Variants in MTMR7 observed in about 807,000 individuals in gnomAD.
The protein encoded by MTMR7 is myotubularin related protein 7, also known as phosphatidylinositol-3-phosphate phosphatase MTMR7.
MTMR7 carries 76 observed loss-of-function variants against 81.2 expected under a neutral mutation model. That is an observed-to-expected ratio of 0.94 (90% CI 0.78 to 1.13). The LOEUF (loss-of-function observed/expected upper bound fraction) is 1.13, where lower values mean the gene tolerates loss of function less well. Ranked by LOEUF, MTMR7 falls within the 50% of genes most tolerant of loss-of-function variation. The pLI, the probability that MTMR7 is intolerant of heterozygous loss-of-function variation, is 0.00. For synonymous variants in MTMR7, 372 were observed against 289.8 expected, an observed-to-expected ratio of 1.28 and a Z score of -2.88; for missense variants, 1,044 against 820.0, an observed-to-expected ratio of 1.27 and a Z score of -3.34.
intron 3 of MTMR7, among the ~76,000 whole-genome samples, chr8:17,363,874 G>A (rs1453300042): frequency 6.8e-6 from 1 of 146,134 alleles, no homozygotes; most frequent in Non-Finnish European, 1.5e-5. Flanking sequence ...ATATTTAGCA[G>A]AATGTTTAGC....
intron 4 of MTMR7, chr8:17,349,435 T>C (rs1451374870): frequency 5.1e-6 from 1 of 196,316 alleles, no homozygotes; most frequent in African/African-American, 2.3e-5. Context: ...CTGCCAGGAT[T>C]TGCTTGAAAG....
rs1380804614 is a variant in MTMR7 at position 17,297,884 on chromosome 8, T to C, written c.*1978A>G. ...GACGAACATGTTACATAAATTATAA[T>C]GTCTGTCTTGTAAAAAAGTTGAGGG... On this transcript the variant is annotated 3_prime_UTR_variant, in exon 14 of 14. Transcript: ENST00000180173. 1.3e-5 allele frequency: 2 copies of C among 152,060 alleles called. No homozygotes were observed. Among genetic ancestry groups the C allele is most frequent in the African/African-American group, 4.8e-5 (2 of 41,434 alleles). 9.4% of individuals were successfully genotyped at this position (152,060 alleles called of 1,614,324 possible). A position where few individuals can be genotyped will look rare whatever the true frequency, so the allele number is the denominator to read the frequency against.
At chr8:17,345,576 G>A (rs536351753) in intron 5 of MTMR7, among the ~76,000 whole-genome samples, 1 of 152,230 alleles carries the variant, frequency 6.6e-6, no homozygotes, top group Admixed American at 6.5e-5. Flanking sequence ...CTGTAACCTA[G>A]AGCAGGAATC....
intron 1 of MTMR7, among the ~76,000 whole-genome samples, chr8:17,411,715 C>A (rs1821739111): frequency 6.6e-6 from 1 of 152,108 alleles, no homozygotes; most frequent in South Asian, 2.1e-4. Context: ...CCATAAACAC[C>A]AATTTTAAGA....
intron 8 of MTMR7, among the ~76,000 whole-genome samples, chr8:17,312,066 G>C (rs184707887): frequency 6.6e-6 from 1 of 152,156 alleles, no homozygotes; most frequent in African/African-American, 2.4e-5. Flanking sequence ...TAAAAGGTAA[G>C]CGTCAAGTAA....
chr8:17,370,537 C>G (rs191719931), intron 3 of MTMR7, among the ~76,000 whole-genome samples: 1 of 108,214 alleles, frequency 9.2e-6, no homozygotes, highest in African/African-American at 3.8e-5. Context: ...GCCTGGGCGA[C>G]GGAGAAAAAG....
chr8:17,361,009 A>C (rs1030804974), intron 4 of MTMR7, 108 bp downstream of exon 4: 75 of 1,212,304 alleles, frequency 6.2e-5, no homozygotes, highest in Non-Finnish European at 8.6e-5. Context: ...CCACATATGG[A>C]TATCTACAAA....
chr8:17,395,953 G>C (rs1821233434), intron 1 of MTMR7, among the ~76,000 whole-genome samples: 1 of 152,106 alleles, frequency 6.6e-6, no homozygotes, highest in Non-Finnish European at 1.5e-5. Context: ...AATGTATTTA[G>C]AGTCTATGAC....
intron 1 of MTMR7, among the ~76,000 whole-genome samples, chr8:17,379,073 A>G (rs7461987): frequency 0.52 from 79,356 of 151,968 alleles, 22,831 homozygotes; most frequent in Non-Finnish European, 0.65. Flanking sequence ...AGATTCTGCT[A>G]TCAAGAGGAT....
intron 10 of MTMR7, among the ~76,000 whole-genome samples, chr8:17,307,917 T>A (rs534713368): frequency 6.6e-6 from 1 of 151,658 alleles, no homozygotes; most frequent in African/African-American, 2.4e-5. Context: ...GGGATAGCAT[T>A]AGGAGATATA....
At chr8:17,331,740 G>C (rs998735212) in intron 6 of MTMR7, among the ~76,000 whole-genome samples, 1 of 152,118 alleles carries the variant, frequency 6.6e-6, no homozygotes, top group African/African-American at 2.4e-5. Context: ...TTATCAAATA[G>C]GAATGGTTGC....
At chr8:17,340,256 A>G (rs1420407613) in intron 6 of MTMR7, among the ~76,000 whole-genome samples, 4 of 152,168 alleles carry the variant, frequency 2.6e-5, no homozygotes, top group African/African-American at 7.2e-5. Flanking sequence ...CCCAGCCCCA[A>G]TTCTTTTAAC....
chr8:17,391,047 T>G lies in MTMR7; in HGVS notation c.25-17807A>C, dbSNP rs1375186195. On this transcript the variant is annotated intron_variant, in intron 1 of 13. Transcript: ENST00000180173. ...AGTGAGAAAGCCAGCCATGGGGGTA[T>G]CTGGGGAGAGCATTCCAGGCAGAGG... 6.6e-5 allele frequency among the ~76,000 whole-genome samples: 10 copies of G among 152,284 alleles called. No individual in the cohort carries two copies. In the East Asian group the frequency reaches 1.7e-3, roughly 27 times the overall value.
At chr8:17,393,981 G>A (rs6587043) in intron 1 of MTMR7, among the ~76,000 whole-genome samples, 121,491 of 152,032 alleles carry the variant, frequency 0.8, 48,850 homozygotes, top group Middle Eastern at 0.88. Flanking sequence ...CCAGGTACAT[G>A]CAACTCAAAC....
At chr8:17,382,708 G>A (rs1418524801) in intron 1 of MTMR7, among the ~76,000 whole-genome samples, 1 of 152,102 alleles carries the variant, frequency 6.6e-6, no homozygotes, top group Non-Finnish European at 1.5e-5. Context: ...ACCTTGTGCA[G>A]AAACAAAATT....
At chr8:17,357,946 T>G (rs1819945629) in intron 4 of MTMR7, among the ~76,000 whole-genome samples, 1 of 152,214 alleles carries the variant, frequency 6.6e-6, no homozygotes, top group Non-Finnish European at 1.5e-5. Context: ...TTTAAGTAAC[T>G]TTTATTCTAA....
At chr8:17,340,054 C>T (rs946352455) in intron 6 of MTMR7, among the ~76,000 whole-genome samples, 11 of 152,334 alleles carry the variant, frequency 7.2e-5, no homozygotes, top group East Asian at 1.9e-4. Flanking sequence ...CGTGTTCAAG[C>T]GATTCTCCCG....
At chr8:17,405,955 C>T (rs1272746662) in intron 1 of MTMR7, among the ~76,000 whole-genome samples, 1 of 151,692 alleles carries the variant, frequency 6.6e-6, no homozygotes, top group Non-Finnish European at 1.5e-5. Context: ...AATATATACA[C>T]AGCATTTTTT....
chr8:17,306,957 A>G (rs1377108657), intron 10 of MTMR7, among the ~76,000 whole-genome samples: 1 of 152,210 alleles, frequency 6.6e-6, no homozygotes, highest in Non-Finnish European at 1.5e-5. Flanking sequence ...CCTAGGCAAT[A>G]CCATTCAGGA....
Sources: gnomAD v4.1 joint callset for allele counts (sites outside exome capture counted in the v4.1 genomes callset) on GRCh38, gnomAD v4.1.1 for gene constraint, MANE v1.5 for transcripts, NCBI Gene and HGNC (gene_info 2026-07-23, HGNC 2026-07-21) for gene names.